The following DLGAP2 variants were observed in gnomAD, a reference collection of about 807,000 sequenced individuals.
DLGAP2 encodes the protein DLG associated protein 2, also known as disks large-associated protein 2.
Under a neutral mutation model 100.3 loss-of-function variants are expected in DLGAP2, and 26 were observed. The ratio of observed to expected loss-of-function variants is 0.26; its 90% CI spans 0.19 to 0.36. The LOEUF (loss-of-function observed/expected upper bound fraction) is 0.36, where lower values mean the gene tolerates loss of function less well. Ranked by LOEUF, DLGAP2 falls within the 10% of genes least tolerant of loss-of-function variation. The probability of loss-of-function intolerance (pLI) is 1.00; values close to 1 mark genes in which losing one functional copy is unlikely to be tolerated. For missense variants in DLGAP2, 1,858 were observed against 1,453.2 expected (o/e 1.28, Z -4.53); for synonymous variants, 886 against 630.1 (o/e 1.41, Z -6.08).
At chr8:1,114,630 T>C (rs1471866121) in intron 2 of DLGAP2, among the ~76,000 whole-genome samples, 1 of 151,792 alleles carries the variant, frequency 6.6e-6, no homozygotes, top group African/African-American at 2.4e-5. Flanking sequence ...TCTTACTAAT[T>C]TTTTTTTTCA....
chr8:1,545,820 C>T (rs1351074853), intron 4 of DLGAP2, among the ~76,000 whole-genome samples: 1 of 152,136 alleles, frequency 6.6e-6, no homozygotes, highest in Non-Finnish European at 1.5e-5. Flanking sequence ...ATCTTTTATG[C>T]CATTCTTTTA....
At chr8:809,043 A>G (rs1203005293) in intron 1 of DLGAP2, among the ~76,000 whole-genome samples, 1 of 151,746 alleles carries the variant, frequency 6.6e-6, no homozygotes, top group African/African-American at 2.4e-5. Context: ...AGTAGCTGAG[A>G]TTACAGGTGT....
chr8:1,267,546 A>T (rs1467795868), intron 3 of DLGAP2, among the ~76,000 whole-genome samples: 2 of 139,534 alleles, frequency 1.4e-5, no homozygotes, highest in Admixed American at 1.4e-4. Flanking sequence ...GAGACAGAGC[A>T]AAATTCCCGC....
chr8:1,297,413 G>A (rs1225531796), intron 3 of DLGAP2, among the ~76,000 whole-genome samples: 3 of 152,198 alleles, frequency 2.0e-5, no homozygotes, highest in South Asian at 2.1e-4. Context: ...GGTGAGAAAC[G>A]TGGCATGCGC....
At chr8:1,615,157 G>A (rs113668707) in intron 6 of DLGAP2, among the ~76,000 whole-genome samples, 92 of 152,234 alleles carry the variant, frequency 6.0e-4, no homozygotes, top group Non-Finnish European at 1.0e-3. Context: ...TAACATTTGC[G>A]GACCCCTGAA....
chr8:1,350,580 G>C (rs1165261742), intron 3 of DLGAP2, among the ~76,000 whole-genome samples: 1 of 45,102 alleles, frequency 2.2e-5, no homozygotes, highest in Admixed American at 2.6e-4. Flanking sequence ...AGGCCGCGCG[G>C]GTCCTGACTG....
chr8:1,634,058 G>A (rs1254498092), intron 8 of DLGAP2, among the ~76,000 whole-genome samples: 1 of 152,198 alleles, frequency 6.6e-6, no homozygotes, highest in Admixed American at 6.5e-5. Flanking sequence ...ATTGCACTTT[G>A]TGTAGAAAGT....
chr8:1,385,266 T>G (rs376325961), intron 3 of DLGAP2, among the ~76,000 whole-genome samples: 10 of 51,562 alleles, frequency 1.9e-4, no homozygotes, highest in South Asian at 8.5e-4. Context: ...CCTGTGCCCG[T>G]CCCCTGAGAA....
At chr8:1,424,039 G>A (rs1376815120) in intron 3 of DLGAP2, among the ~76,000 whole-genome samples, 2 of 152,246 alleles carry the variant, frequency 1.3e-5, no homozygotes, top group African/African-American at 4.8e-5. Context: ...GCAGCCAGTT[G>A]GATGGAGGTT....
At chr8:1,104,105 A>T (rs1164374816) in intron 2 of DLGAP2, among the ~76,000 whole-genome samples, 1 of 152,302 alleles carries the variant, frequency 6.6e-6, no homozygotes, top group South Asian at 2.1e-4. Context: ...CGTTTCCTTC[A>T]TGCCAAGGCA....
At chr8:1,174,881 A>G in intron 2 of DLGAP2, among the ~76,000 whole-genome samples, 1 of 152,224 alleles carries the variant, frequency 6.6e-6, no homozygotes, top group South Asian at 2.1e-4. Context: ...AGTGAGGGAA[A>G]GAAGGTGAGA....
chr8:1,026,858 C>T (rs1280461818), intron 2 of DLGAP2, among the ~76,000 whole-genome samples: 2 of 152,342 alleles, frequency 1.3e-5, no homozygotes, highest in East Asian at 3.9e-4. Flanking sequence ...TGACCCCCAA[C>T]ACATTTATTC....
rs544475176 is a variant in DLGAP2, at chr8:1,028,462, C to T, written c.73+120496C>T. Among the ~76,000 whole-genome samples, 23 of 150,600 alleles carry T rather than the reference C, an allele frequency of 1.5e-4. 1 individual carries two copies. The highest frequency in any genetic ancestry group is 5.6e-4 in the African/African-American group (23 of 41,024). ...GCCCGTTATTCTCCAGGTGGGGTGT[C>T]AGGCGCCCTTTATTCTCCAGGTGGG... On this transcript the variant is annotated intron_variant, in intron 2 of 14. Coordinates refer to ENST00000637795, the MANE Select transcript of DLGAP2 (RefSeq NM_001346810.2).
At chr8:1,329,633 T>C (rs2117055411) in intron 3 of DLGAP2, among the ~76,000 whole-genome samples, 1 of 152,200 alleles carries the variant, frequency 6.6e-6, no homozygotes, top group Middle Eastern at 3.4e-3. Context: ...CCGAGGGGAA[T>C]GAACATGGGC....
intron 4 of DLGAP2, among the ~76,000 whole-genome samples, chr8:1,542,827 TC>T (rs1801407605): frequency 1.3e-5 from 2 of 152,126 alleles, no homozygotes; most frequent in Non-Finnish European, 2.9e-5. Flanking sequence ...TGTTCTCCCT[TC>T]CCCAGCAGCG....
chr8:1,425,575 C>T (rs1274032649), intron 3 of DLGAP2, among the ~76,000 whole-genome samples: 1 of 152,174 alleles, frequency 6.6e-6, no homozygotes, highest in African/African-American at 2.4e-5. Context: ...TCCCTTGGAG[C>T]AGATGTGGAC....
At chr8:1,455,565 T>G (rs1395877879) in intron 3 of DLGAP2, among the ~76,000 whole-genome samples, 1 of 152,216 alleles carries the variant, frequency 6.6e-6, no homozygotes, top group Non-Finnish European at 1.5e-5. Flanking sequence ...TGCCAGGACC[T>G]TTTGCTTTTC....
At position 1,328,241 on chromosome 8, in the gene DLGAP2, C is replaced by T. The variant is rs930323477; in HGVS notation, c.106+69358C>T. ...TTTTTTAGTTGAGACAGGATTTCAC[C>T]TCATTGGCCAGGCTGGTCTCAAACT... On this transcript the variant is annotated intron_variant, in intron 3 of 14. Coordinates refer to ENST00000637795, the MANE Select transcript of DLGAP2 (RefSeq NM_001346810.2). Among the ~76,000 whole-genome samples the T allele has an allele frequency of 1.8e-4, 27 of 151,804 alleles. 1 individual carries two copies. Among genetic ancestry groups the T allele is most frequent in the Non-Finnish European group, 2.9e-5 (2 of 67,992 alleles).
At chr8:1,330,103 G>GTATC (rs1329988063) in intron 3 of DLGAP2, among the ~76,000 whole-genome samples, 2 of 152,332 alleles carry the variant, frequency 1.3e-5, no homozygotes, top group African/African-American at 4.8e-5. Flanking sequence ...AGGTTTCTTT[G>GTATC]TATCTTGCCC....
Sources: gnomAD v4.1 joint callset for allele counts (sites outside exome capture counted in the v4.1 genomes callset) on GRCh38, gnomAD v4.1.1 for gene constraint, MANE v1.5 for transcripts, NCBI Gene and HGNC (gene_info 2026-07-23, HGNC 2026-07-21) for gene names.